Variants in BDH1 observed in about 807,000 individuals in gnomAD.
BDH1 encodes the protein D-beta-hydroxybutyrate dehydrogenase, mitochondrial.
A neutral mutation model predicts 33.1 loss-of-function variants in BDH1; 30 were observed. That is an observed-to-expected ratio of 0.91 (90% confidence interval 0.68 to 1.23). The LOEUF (loss-of-function observed/expected upper bound fraction) is 1.23. BDH1 is among the 50% of genes most tolerant of loss of function. The pLI is 0.00. For synonymous variants in BDH1, 190 were observed against 183.6 expected, an observed-to-expected ratio of 1.03 and a Z score of -0.28; for missense variants, 443 against 464.4, an observed-to-expected ratio of 0.95 and a Z score of 0.42.
At chr3:197,519,276 C>T (rs890936470) in intron 6 of BDH1, among the ~76,000 whole-genome samples, 10 of 152,084 alleles carry the variant, frequency 6.6e-5, no homozygotes, top group Non-Finnish European at 1.2e-4. Flanking sequence ...GGCATGAGTG[C>T]TGGACGGCTC....
intron 1 of BDH1, among the ~76,000 whole-genome samples, chr3:197,562,501 C>T (rs1434193266): frequency 6.6e-6 from 1 of 152,164 alleles, no homozygotes; most frequent in Non-Finnish European, 1.5e-5. Context: ...TGACCCCCTG[C>T]AACATGCAGT....
At position 197,521,056 on chromosome 3, in the gene BDH1, C is replaced by T. The variant is rs1270362632; in HGVS notation, c.409+1584G>A. Among the ~76,000 whole-genome samples the T allele has an allele frequency of 1.3e-5, 2 of 152,136 alleles. No individual in the cohort carries two copies. Among genetic ancestry groups the T allele is most frequent in the African/African-American group, 4.8e-5 (2 of 41,416 alleles). ...CACATCCATCTGGCTGATACAGGCT[C>T]AGCAGAGCTCCCCGCATGGGATCTG... On this transcript the variant is annotated intron_variant, in intron 6 of 7. Coordinates refer to ENST00000392379, the MANE Select transcript of BDH1 (RefSeq NM_203314.3). The surrounding 1 kb of genome is among the most constrained non-coding windows in gnomAD (Gnocchi z 4.9).
At position 197,538,785 on chromosome 3, in the gene BDH1, C is replaced by G. The variant is rs1049982878; in HGVS notation, c.84-5224G>C. On this transcript the variant is annotated intron_variant, in intron 3 of 7. Transcript: ENST00000392379. ...ATGAGGGTTCACTAGGAAAACCTGC[C>G]AAGGTAACCCCCTGTCCTTTTGTAC... is the stretch of plus-strand genomic sequence containing the variant. The G allele has an allele frequency of 1.7e-5, 3 of 178,078 alleles. No individual in the cohort carries two copies. The East Asian group carries it at 4.5e-4, about 27-fold the overall frequency. 11.0% of individuals were successfully genotyped at this position (178,078 alleles called of 1,614,324 possible).
chr3:197,558,587 C>T (rs749086275), upstream of BDH1, among the ~76,000 whole-genome samples: 47 of 152,202 alleles, frequency 3.1e-4, no homozygotes, highest in African/African-American at 8.2e-4. Flanking sequence ...TAAATGATTC[C>T]GAACACTTTC....
At chr3:197,537,726 T>C (rs1350313377) in intron 3 of BDH1, among the ~76,000 whole-genome samples, 1 of 152,226 alleles carries the variant, frequency 6.6e-6, no homozygotes, top group East Asian at 1.9e-4. Flanking sequence ...AAATCATAAA[T>C]GTGTGCTAAA....
chr3:197,513,775 G>T (rs1482469841), intron 7 of BDH1, among the ~76,000 whole-genome samples: 4 of 152,206 alleles, frequency 2.6e-5, no homozygotes, highest in East Asian at 3.8e-4. Flanking sequence ...AAAGTGGTTT[G>T]CTCACATTTG....
intron 1 of BDH1, among the ~76,000 whole-genome samples, chr3:197,561,267 G>A (rs1717250738): frequency 6.6e-6 from 1 of 152,118 alleles, no homozygotes; most frequent in Non-Finnish European, 1.5e-5. Context: ...AGGTCTGGGA[G>A]CACACCCTCC....
intron 3 of BDH1, among the ~76,000 whole-genome samples, chr3:197,535,318 C>T (rs2108746025): frequency 6.6e-6 from 1 of 152,306 alleles, no homozygotes. Flanking sequence ...GCTGCTAGTC[C>T]TTGGTTACAT....
In BDH1 at chr3:197,520,956, A is replaced by G. The variant is rs1297009786; in HGVS notation, c.409+1684T>C. Reference sequence around the variant, plus strand: ...CGACAGTGGGCTGATGAGGTGGCACATCAGAGACAGGCAGAGGAGCGGCAT... The same window carrying G: ...CGACAGTGGGCTGATGAGGTGGCACGTCAGAGACAGGCAGAGGAGCGGCAT... On this transcript the variant is annotated intron_variant, in intron 6 of 7. Coordinates refer to ENST00000392379, the MANE Select transcript of BDH1 (RefSeq NM_203314.3). This position sits in a 1 kb window ranked among gnomAD's most constrained non-coding sequence, Gnocchi z 6.0. Among the ~76,000 whole-genome samples, 1 of 152,164 alleles carries G rather than the reference A, an allele frequency of 6.6e-6. No homozygotes were observed. The highest frequency in any genetic ancestry group is 1.9e-4 in the East Asian group (1 of 5,188).
chr3:197,538,483 C>T (rs1715335357), intron 3 of BDH1: 1 of 429,872 alleles, frequency 2.3e-6, no homozygotes, highest in Non-Finnish European at 4.7e-6. Flanking sequence ...TCCTGAGTAG[C>T]CGGGACTACA....
chr3:197,542,358 T>C (rs1316171093), intron 3 of BDH1, among the ~76,000 whole-genome samples: 1 of 151,958 alleles, frequency 6.6e-6, no homozygotes, highest in Non-Finnish European at 1.5e-5. Context: ...GCACATAAAA[T>C]AGTGTGTATT....
chr3:197,569,227 T>G (rs1439376072), intron 1 of BDH1, among the ~76,000 whole-genome samples: 1 of 144,270 alleles, frequency 6.9e-6, no homozygotes, highest in Non-Finnish European at 1.5e-5. Flanking sequence ...TCCCAGTTTC[T>G]GTAGCTATTT....
chr3:197,548,605 C>A (rs1355426605), intron 2 of BDH1, among the ~76,000 whole-genome samples: 3 of 151,676 alleles, frequency 2.0e-5, no homozygotes, highest in Non-Finnish European at 4.4e-5. Flanking sequence ...AATCCCAGCA[C>A]TTTGGGAGGC....
chr3:197,539,212 G>A lies in BDH1; in HGVS notation c.84-5651C>T, dbSNP rs1432198104. On this transcript the variant is annotated intron_variant, in intron 3 of 7. Transcript: ENST00000392379. Reference sequence around the variant, plus strand: ...CACCCAGGCTAGAGTGCAGTGGCGCGATCTTGGCTCGCTGCAACCTGGGTT... The same window carrying A: ...CACCCAGGCTAGAGTGCAGTGGCGCAATCTTGGCTCGCTGCAACCTGGGTT... Among the ~76,000 whole-genome samples, 6 of 152,132 alleles carry A rather than the reference G, an allele frequency of 3.9e-5. No homozygotes were observed. The East Asian group carries it at 5.8e-4, about 15-fold the overall frequency.
upstream of BDH1, among the ~76,000 whole-genome samples, chr3:197,557,284 T>C (rs1717095976): frequency 1.3e-5 from 2 of 152,246 alleles, no homozygotes; most frequent in Non-Finnish European, 2.9e-5. This position sits in a 1 kb window ranked among gnomAD's most constrained non-coding sequence, Gnocchi z 4.6. Flanking sequence ...TTCTTAACTT[T>C]GGGAAAATAA....
At chr3:197,571,418 C>T (rs1475094098) in intron 1 of BDH1, among the ~76,000 whole-genome samples, 1 of 152,058 alleles carries the variant, frequency 6.6e-6, no homozygotes, top group Non-Finnish European at 1.5e-5. Context: ...TGACTCTGTC[C>T]CCACCCAAAT....
chr3:197,566,220 G>A (rs554936873), intron 1 of BDH1, among the ~76,000 whole-genome samples: 5 of 152,284 alleles, frequency 3.3e-5, no homozygotes, highest in African/African-American at 1.2e-4. Context: ...GGACACAATT[G>A]GAGAAACTGG....
chr3:197,527,285 G>A (rs115047510), intron 5 of BDH1, among the ~76,000 whole-genome samples: 3,051 of 152,310 alleles, frequency 0.02, 103 homozygotes, highest in African/African-American at 0.068. Context: ...GAAGTGTTAC[G>A]AGCAAGGGTG....
chr3:197,545,316 G>A (rs1051264231), intron 3 of BDH1, among the ~76,000 whole-genome samples: 5 of 152,168 alleles, frequency 3.3e-5, no homozygotes, highest in African/African-American at 9.7e-5. Context: ...ATGCTTCCTC[G>A]AAATCACACA....
Sources: allele counts gnomAD v4.1 joint callset (sites outside exome capture counted in the v4.1 genomes callset), GRCh38; gene constraint gnomAD v4.1.1; non-coding constraint Gnocchi (gnomAD v3.1); transcripts MANE v1.5; gene names NCBI Gene and HGNC (gene_info 2026-07-23, HGNC 2026-07-21).